The following INPP4B variants were observed in gnomAD, a reference collection of about 807,000 sequenced individuals.
INPP4B encodes inositol polyphosphate-4-phosphatase type II B.
A neutral mutation model predicts 122.5 loss-of-function variants in INPP4B; 55 were observed. That is an observed-to-expected ratio of 0.45 (90% CI 0.36 to 0.56). The LOEUF is 0.56. INPP4B is among the 20% of genes least tolerant of loss of function. INPP4B has a pLI of 0.00. For synonymous variants in INPP4B, 403 were observed against 388.7 expected (o/e 1.04, Z -0.43); for missense variants, 1,000 against 1,097.7 (o/e 0.91, Z 1.26).
chr4:142,135,683 A>C (rs1263503815), intron 18 of INPP4B, among the ~76,000 whole-genome samples: 1 of 152,200 alleles, frequency 6.6e-6, no homozygotes, highest in Non-Finnish European at 1.5e-5. Flanking sequence ...CCAGTAAAAA[A>C]TAAAAACAGG....
At chr4:142,717,907 CAAA>C (rs33932611) in intron 2 of INPP4B, among the ~76,000 whole-genome samples, 10 of 58,532 alleles carry the variant, frequency 1.7e-4, no homozygotes, top group African/African-American at 1.9e-4. Flanking sequence ...AAAAAGAAAG[CAAA>C]AAAAAAAAAA....
chr4:142,819,700 G>T (rs1780567244), intron 1 of INPP4B, among the ~76,000 whole-genome samples: 1 of 152,110 alleles, frequency 6.6e-6, no homozygotes, highest in South Asian at 2.1e-4. Flanking sequence ...TGTGGTAGAG[G>T]TTATGTTGAT....
chr4:142,054,186 G>C (rs910934979), intron 25 of INPP4B, among the ~76,000 whole-genome samples: 5 of 151,186 alleles, frequency 3.3e-5, no homozygotes, highest in African/African-American at 1.2e-4. Context: ...TAAGTATAAA[G>C]TAAAATAAAA....
intron 5 of INPP4B, among the ~76,000 whole-genome samples, chr4:142,420,159 T>C (rs545930043): frequency 6.6e-6 from 1 of 152,166 alleles, no homozygotes; most frequent in Non-Finnish European, 1.5e-5. Context: ...ATAATTTGCT[T>C]AATCCATGTT....
intron 23 of INPP4B, among the ~76,000 whole-genome samples, chr4:142,091,987 C>G (rs1340659260): frequency 6.6e-6 from 1 of 152,328 alleles, no homozygotes; most frequent in Admixed American, 6.5e-5. Context: ...CACACTCCCA[C>G]TCTGACGTCC....
In INPP4B at chr4:142,113,579, A is replaced by C. The variant is rs530045939; in HGVS notation, c.2136-897T>G. Among the ~76,000 whole-genome samples the C allele has an allele frequency of 9.9e-5, 15 of 152,110 alleles. No individual in the cohort carries two copies. The South Asian group carries it at 3.1e-3, about 32-fold the overall frequency. On this transcript the variant is annotated intron_variant, in intron 21 of 25. Transcript: ENST00000262992. The stretch of plus-strand genomic sequence containing the variant: ...CTGACTCTGAGACTTGTTTCTTTCT[A>C]CCTATGAAATAGAGACCTGGTAAAT...
At chr4:142,346,087 G>A (rs1327678156) in intron 7 of INPP4B, among the ~76,000 whole-genome samples, 2 of 151,990 alleles carry the variant, frequency 1.3e-5, no homozygotes, top group Non-Finnish European at 2.9e-5. Context: ...AACACACAGT[G>A]GTAGAAGTAG....
intron 2 of INPP4B, among the ~76,000 whole-genome samples, chr4:142,626,650 C>G (rs1293439406): frequency 6.6e-6 from 1 of 152,038 alleles, no homozygotes; most frequent in Non-Finnish European, 1.5e-5. Context: ...CACACCCAGA[C>G]TTCTCACCTA....
chr4:142,809,976 C>G (rs1353394304), intron 1 of INPP4B, among the ~76,000 whole-genome samples: 1 of 151,986 alleles, frequency 6.6e-6, no homozygotes, highest in East Asian at 1.9e-4. Context: ...TCAACACCAG[C>G]CTGGCCATCA....
intron 18 of INPP4B, among the ~76,000 whole-genome samples, chr4:142,135,628 T>C (rs536288702): frequency 3.3e-5 from 5 of 152,242 alleles, no homozygotes; most frequent in African/African-American, 1.2e-4. Context: ...TGGGCCCTTG[T>C]CATTGCAAGC....
At position 142,257,637 on chromosome 4, in the gene INPP4B, C is replaced by T. The variant is rs1737015425; in HGVS notation, c.688+2855G>A. ...CAAAGAGAATCAAATACCTAGGAAT[C>T]CAACTTACAAGGGATGTGAAGGATT... On this transcript the variant is annotated intron_variant, in intron 11 of 25. Coordinates refer to ENST00000262992, the MANE Select transcript of INPP4B (RefSeq NM_001101669.3). Among the ~76,000 whole-genome samples the T allele has an allele frequency of 2.0e-5, 3 of 152,248 alleles. No individual in the cohort carries two copies. In the South Asian group the frequency reaches 6.2e-4, roughly 32 times the overall value.
intron 3 of INPP4B, among the ~76,000 whole-genome samples, chr4:142,445,317 A>G (rs1812670737): frequency 6.6e-6 from 1 of 152,206 alleles, no homozygotes. Flanking sequence ...GAATCTTAGA[A>G]GAAAAAATAG....
chr4:142,531,351 AAT>A (rs1426077977), intron 2 of INPP4B, among the ~76,000 whole-genome samples: 4 of 152,058 alleles, frequency 2.6e-5, no homozygotes, highest in African/African-American at 9.7e-5. Flanking sequence ...TTTCAGTTGA[AAT>A]ATGTTTGTAC....
intron 9 of INPP4B, among the ~76,000 whole-genome samples, chr4:142,290,374 C>T (rs1755900698): frequency 6.6e-6 from 1 of 151,494 alleles, no homozygotes; most frequent in Admixed American, 6.6e-5. Context: ...TCTGGGCTTT[C>T]TTTTTGTAGT....
At chr4:142,524,483 T>C (rs1297394018) in intron 2 of INPP4B, among the ~76,000 whole-genome samples, 1 of 152,034 alleles carries the variant, frequency 6.6e-6, no homozygotes, top group Non-Finnish European at 1.5e-5. Flanking sequence ...TCATGTCCTT[T>C]GCCCACTTTT....
intron 2 of INPP4B, among the ~76,000 whole-genome samples, chr4:142,558,572 C>T (rs1056855340): frequency 6.6e-6 from 1 of 151,792 alleles, no homozygotes. Flanking sequence ...TGGTGTGCCA[C>T]TGTTAACAAA....
rs1265245610 is a variant in INPP4B, at chr4:142,248,457, C to G, written c.689-10446G>C. Among the ~76,000 whole-genome samples the G allele has an allele frequency of 2.0e-5, 3 of 151,446 alleles. No homozygotes were observed. The East Asian group carries it at 5.9e-4, about 30-fold the overall frequency. On this transcript the variant is annotated intron_variant, in intron 11 of 25. Coordinates refer to ENST00000262992, the MANE Select transcript of INPP4B (RefSeq NM_001101669.3). ...GGTTCAAGTGATTCTCCTGCCTCAGCCTCCCAAGTAGCTGGGATTACAGGT... is the reference window on the plus strand; with the variant it reads ...GGTTCAAGTGATTCTCCTGCCTCAGGCTCCCAAGTAGCTGGGATTACAGGT...
At chr4:142,796,867 G>C (rs964812150) in intron 1 of INPP4B, among the ~76,000 whole-genome samples, 2 of 128,758 alleles carry the variant, frequency 1.6e-5, no homozygotes, top group Non-Finnish European at 3.2e-5. Context: ...GCGGAAAACA[G>C]ATGTGTGTGT....
At chr4:142,117,402 A>G (rs560359622) in intron 21 of INPP4B, among the ~76,000 whole-genome samples, 71 of 152,288 alleles carry the variant, frequency 4.7e-4, no homozygotes, top group Admixed American at 4.6e-3. Flanking sequence ...ACATTGATGC[A>G]AAAATCCTCA....
Sources: allele counts gnomAD v4.1 joint callset (sites outside exome capture counted in the v4.1 genomes callset), GRCh38; gene constraint gnomAD v4.1.1; transcripts MANE v1.5; gene names NCBI Gene and HGNC (gene_info 2026-07-23, HGNC 2026-07-21).